Variants in COL19A1 observed in about 807,000 individuals in gnomAD.
COL19A1 encodes the protein collagen type XIX alpha 1 chain.
A neutral mutation model predicts 190.2 loss-of-function variants in COL19A1; 159 were observed. The ratio of observed to expected loss-of-function variants is 0.84; its 90% CI spans 0.73 to 0.95. The LOEUF (loss-of-function observed/expected upper bound fraction) is 0.95, where lower values mean the gene tolerates loss of function less well. Among genes scored for constraint, COL19A1 ranks in the 40% least tolerant of loss-of-function variants. COL19A1 has a pLI of 0.00. For missense variants in COL19A1, 1,418 were observed against 1,431.9 expected (o/e 0.99, Z 0.16); for synonymous variants, 509 against 458.9 (o/e 1.11, Z -1.39).
At chr6:70,139,923 T>C (rs1786130991) in intron 19 of COL19A1, among the ~76,000 whole-genome samples, 1 of 143,070 alleles carries the variant, frequency 7.0e-6, no homozygotes, top group African/African-American at 2.7e-5. Flanking sequence ...CGGGTTTTTC[T>C]CTTTTTTTTT....
In COL19A1 at chr6:70,208,233, C is replaced by G. The variant is rs1215441338; in HGVS notation, c.*959C>G. ...ACCTCATCACCCTCAGACTTTAAGA[C>G]AAGAAGCCACCATCAAAACAAAGGA... On this transcript the variant is annotated 3_prime_UTR_variant, in exon 51 of 51. Coordinates refer to ENST00000620364, the MANE Select transcript of COL19A1 (RefSeq NM_001858.6). 2 of 152,200 alleles carry G rather than the reference C, an allele frequency of 1.3e-5. No individual in the cohort carries two copies. Among genetic ancestry groups the G allele is most frequent in the African/African-American group, 4.8e-5 (2 of 41,438 alleles). The allele number at this position is 152,200 out of a possible 1,614,324, so 9.4% of individuals were successfully genotyped here. A position where few individuals can be genotyped will look rare whatever the true frequency, so the allele number is the denominator to read the frequency against.
At position 70,137,356 on chromosome 6, in the gene COL19A1, T is replaced by C. The variant is rs574712258; in HGVS notation, c.1384-329T>C. On this transcript the variant is annotated intron_variant, in intron 18 of 50. Coordinates refer to ENST00000620364, the MANE Select transcript of COL19A1 (RefSeq NM_001858.6). ...TCTTTGAGATCACACACAAAAAAAA[T>C]TGGTTTTGGCACACCAGAACAAAAT... Among the ~76,000 whole-genome samples the C allele has an allele frequency of 7.2e-5, 11 of 152,252 alleles. No homozygotes were observed. In the East Asian group the frequency reaches 1.5e-3, roughly 21 times the overall value.
chr6:70,026,602 C>T (rs1778744046), intron 12 of COL19A1, among the ~76,000 whole-genome samples: 1 of 152,092 alleles, frequency 6.6e-6, no homozygotes, highest in Admixed American at 6.6e-5. Flanking sequence ...GGAGAAATAA[C>T]AAAAAGTAGT....
chr6:69,943,655 G>T (rs1773612106), intron 9 of COL19A1, among the ~76,000 whole-genome samples: 2 of 152,070 alleles, frequency 1.3e-5, no homozygotes, highest in South Asian at 2.1e-4. Context: ...CAAAAAGACT[G>T]TCCTTTCCTC....
chr6:69,892,915 C>T (rs1264072564), intron 2 of COL19A1, among the ~76,000 whole-genome samples: 1 of 152,212 alleles, frequency 6.6e-6, no homozygotes, highest in Non-Finnish European at 1.5e-5. Context: ...TCTTATTCCA[C>T]TGATGCAAAC....
chr6:69,947,060 C>T (rs1773865058), intron 9 of COL19A1, among the ~76,000 whole-genome samples: 1 of 151,768 alleles, frequency 6.6e-6, no homozygotes, highest in African/African-American at 2.4e-5. Context: ...ACTCTCTGGC[C>T]CTTTGTTGAA....
At chr6:70,082,680 G>A (rs1782331379) in intron 15 of COL19A1, among the ~76,000 whole-genome samples, 2 of 152,114 alleles carry the variant, frequency 1.3e-5, no homozygotes, top group African/African-American at 4.8e-5. Context: ...CAAAGTGCTG[G>A]GATTACAGGT....
At chr6:69,919,734 G>C (rs1046154323) in intron 4 of COL19A1, among the ~76,000 whole-genome samples, 1 of 152,088 alleles carries the variant, frequency 6.6e-6, no homozygotes, top group African/African-American at 2.4e-5. Context: ...TAGTAACTTT[G>C]TAATTAGATA....
At chr6:70,097,076 T>A (rs1783321674) in intron 15 of COL19A1, among the ~76,000 whole-genome samples, 1 of 152,172 alleles carries the variant, frequency 6.6e-6, no homozygotes, top group South Asian at 2.1e-4. Context: ...AAACCATCTG[T>A]CAAATAAGTA....
At chr6:70,097,528 A>T (rs367661256) in intron 15 of COL19A1, among the ~76,000 whole-genome samples, 1 of 152,070 alleles carries the variant, frequency 6.6e-6, no homozygotes, top group Admixed American at 6.6e-5. Flanking sequence ...AAAAAAAAAA[A>T]AATTCTGCGA....
At chr6:69,919,377 T>C (rs1771545412) in intron 4 of COL19A1, among the ~76,000 whole-genome samples, 1 of 152,334 alleles carries the variant, frequency 6.6e-6, no homozygotes, top group Middle Eastern at 3.4e-3. Context: ...TTAGGTGTTT[T>C]GGCTTGTTAA....
chr6:69,989,285 T>C (rs903096048), intron 11 of COL19A1, among the ~76,000 whole-genome samples: 2 of 152,198 alleles, frequency 1.3e-5, no homozygotes, highest in African/African-American at 4.8e-5. Context: ...CATCCCTAAC[T>C]TGCCCTTCGT....
intron 15 of COL19A1, among the ~76,000 whole-genome samples, chr6:70,071,743 A>T (rs1387744924): frequency 6.6e-6 from 1 of 152,014 alleles, no homozygotes; most frequent in East Asian, 1.9e-4. Flanking sequence ...ACAGAATGGC[A>T]TTGGGGGTTG....
At position 70,067,691 on chromosome 6, in the gene COL19A1, G is replaced by A. The variant is rs145702882; in HGVS notation, c.1171-732G>A. ...GAAGAAAATGAGACAAAAATCTCCC[G>A]CATTTAATGGTTGATTAGGGAAGAA... On this transcript the variant is annotated intron_variant, in intron 14 of 50. Transcript: ENST00000620364. Among the ~76,000 whole-genome samples, 137 of 152,106 alleles carry A rather than the reference G, an allele frequency of 9.0e-4. 1 individual carries two copies. The highest frequency in any genetic ancestry group is 1.6e-3 in the Non-Finnish European group (109 of 67,966).
intron 11 of COL19A1, among the ~76,000 whole-genome samples, chr6:69,989,488 G>A (rs1328714438): frequency 3.3e-5 from 5 of 151,400 alleles, no homozygotes; most frequent in South Asian, 2.1e-4. Flanking sequence ...TCCCAACCAC[G>A]GCCTAGAACA....
At chr6:70,180,408 C>T (rs766362829) in intron 43 of COL19A1, 52 bp downstream of exon 43, 2 of 1,613,852 alleles carry the variant, frequency 1.2e-6, no homozygotes, top group South Asian at 2.2e-5. Flanking sequence ...TACTTGCATG[C>T]AGTTTTAAAA....
At chr6:70,019,976 A>G (rs1778329961) in intron 11 of COL19A1, among the ~76,000 whole-genome samples, 1 of 152,136 alleles carries the variant, frequency 6.6e-6, no homozygotes, top group South Asian at 2.1e-4. Flanking sequence ...AGATATCAAT[A>G]CATATTTCCT....
intron 9 of COL19A1, among the ~76,000 whole-genome samples, chr6:69,943,206 T>G (rs1280828230): frequency 6.6e-6 from 1 of 152,176 alleles, no homozygotes; most frequent in Admixed American, 6.6e-5. Context: ...TTGAGAAGTG[T>G]CTATTCAGAT....
intron 2 of COL19A1, chr6:69,879,902 TATAC>T (rs1396994172): frequency 1.9e-6 from 1 of 518,036 alleles, no homozygotes; most frequent in East Asian, 3.0e-5. Flanking sequence ...TATTTACAAG[TATAC>T]ATACATGCAT....
Sources: allele counts gnomAD v4.1 joint callset (sites outside exome capture counted in the v4.1 genomes callset), GRCh38; gene constraint gnomAD v4.1.1; transcripts MANE v1.5; gene names NCBI Gene and HGNC (gene_info 2026-07-23, HGNC 2026-07-21).